The following FIGNL2 variants were observed in gnomAD, a reference collection of about 807,000 sequenced individuals.
FIGNL2 encodes fidgetin like 2, also known as fidgetin-like protein 2.
For synonymous variants in FIGNL2, 565 were observed against 484.0 expected (o/e 1.17, Z -2.20); for missense variants, 1,060 against 950.2 (o/e 1.12, Z -1.52).
rs781619619 is a variant in FIGNL2, at chr12:51,820,825, A to G, written c.1589T>C (p.Leu530Pro). ...GGGCCGCGAGGTGGTGCCCACAACCAGCACGCCGTCAGCCCCCGCGCCGCA... is the reference window on the plus strand; with the variant it reads ...GGGCCGCGAGGTGGTGCCCACAACCGGCACGCCGTCAGCCCCCGCGCCGCA... ...GGCGAGADGVLVVGTTSRPAA... is the reference protein window; with the variant it reads ...GGCGAGADGVPVVGTTSRPAA... The change falls in exon 2 of 2, where the codon CTG (leucine) becomes CCG (proline). Residue 530 changes from leucine to proline, a missense_variant. Transcript: ENST00000618634. 2 of 1,467,728 alleles carry G rather than the reference A, an allele frequency of 1.4e-6. No homozygotes were observed. The highest frequency in any genetic ancestry group is 1.3e-5 in the South Asian group (1 of 77,188). The allele number at this position is 1,467,728 out of a possible 1,614,324, so 90.9% of individuals were successfully genotyped here.
intron 1 of FIGNL2, among the ~76,000 whole-genome samples, chr12:51,842,525 A>G (rs1208448564): frequency 1.3e-5 from 2 of 151,922 alleles, no homozygotes; most frequent in African/African-American, 4.8e-5. Context: ...TTCTTTCCCC[A>G]CTGGCCTGGA....
At chr12:51,843,253 TA>T (rs1186849474) in intron 1 of FIGNL2, among the ~76,000 whole-genome samples, 3 of 152,000 alleles carry the variant, frequency 2.0e-5, no homozygotes, top group African/African-American at 7.3e-5. Context: ...TTGTTAATAG[TA>T]AATGAAGTCT....
chr12:51,838,389 G>T (rs1196556703), intron 1 of FIGNL2, among the ~76,000 whole-genome samples: 1 of 152,126 alleles, frequency 6.6e-6, no homozygotes, highest in East Asian at 1.9e-4. Flanking sequence ...GGCTGCTCCA[G>T]GTACCCCACC....
chr12:51,842,111 C>T (rs1341522794), intron 1 of FIGNL2: 1 of 152,214 alleles, frequency 6.6e-6, no homozygotes, highest in Non-Finnish European at 1.5e-5. Context: ...CTCAACAAGT[C>T]CCAGAATGGA....
At position 51,822,109 on chromosome 12, in the gene FIGNL2, G is replaced by A; in HGVS notation, c.305C>T (p.Pro102Leu). 2 of 1,610,946 alleles carry A rather than the reference G, an allele frequency of 1.2e-6. No individual in the cohort carries two copies. The highest frequency in any genetic ancestry group is 1.3e-5 in the African/African-American group (1 of 74,996). ...TGAGGCCAAGGGGTAGGGTGGCTCCGGCCCTGGCCAGGGCTCGGGATCCCC... is the reference window on the plus strand; with the variant it reads ...TGAGGCCAAGGGGTAGGGTGGCTCCAGCCCTGGCCAGGGCTCGGGATCCCC... ...AKGDPEPWPG[P>L]EPPYPLASLH... The change falls in exon 2 of 2, where the codon CCG becomes CTG. Residue 102 changes from proline to leucine, a missense_variant. Coordinates refer to ENST00000618634, the MANE Select transcript of FIGNL2 (RefSeq NM_001384995.1).
At chr12:51,845,788 G>A in intron 1 of FIGNL2, 6 of 404,774 alleles carry the variant, frequency 1.5e-5, no homozygotes, top group South Asian at 1.0e-4. Context: ...GGGGAGAGTC[G>A]GGGGAGTCCT....
intron 1 of FIGNL2, 63 bp downstream of exon 1, chr12:51,848,477 C>T (rs303780): frequency 0.21 from 206,322 of 982,250 alleles, 21,974 homozygotes; most frequent in South Asian, 0.28. Flanking sequence ...GACAAAGCTC[C>T]GGACACCCTG....
rs1408743085 is a variant in FIGNL2 at position 51,822,090 on chromosome 12, C to G, written c.324G>C (p.Leu108Phe). Residue 108 changes from leucine (L) to phenylalanine (F), a missense_variant, in exon 2 of 2, where the codon TTG becomes TTC. Leu to Phe is a conservative substitution (Grantham distance 22). Coordinates refer to ENST00000618634, the MANE Select transcript of FIGNL2 (RefSeq NM_001384995.1). ...CTGGGAGGCCTTCGTGGAGTGAGGCCAAGGGGTAGGGTGGCTCCGGCCCTG... is the reference window on the plus strand; with the variant it reads ...CTGGGAGGCCTTCGTGGAGTGAGGCGAAGGGGTAGGGTGGCTCCGGCCCTG... ...PWPGPEPPYP[L>F]ASLHEGLPGT... 1.2e-6 allele frequency: 2 copies of G among 1,611,502 alleles called. No homozygotes were observed. The highest frequency in any genetic ancestry group is 1.7e-6 in the Non-Finnish European group (2 of 1,178,970).
chr12:51,843,683 T>C (rs1204996599), intron 1 of FIGNL2, among the ~76,000 whole-genome samples: 1 of 152,222 alleles, frequency 6.6e-6, no homozygotes, highest in Non-Finnish European at 1.5e-5. Context: ...GGTATGCTGC[T>C]ACCTTCCAGA....
chr12:51,841,914 T>G (rs1174021639), intron 1 of FIGNL2: 1 of 152,252 alleles, frequency 6.6e-6, no homozygotes, highest in African/African-American at 2.4e-5. Context: ...GATTTTTGGC[T>G]TCACAGAAGG....
intron 1 of FIGNL2, among the ~76,000 whole-genome samples, chr12:51,823,228 T>C (rs1053074403): frequency 6.6e-6 from 1 of 152,142 alleles, no homozygotes; most frequent in Non-Finnish European, 1.5e-5. Flanking sequence ...AATACAAAAA[T>C]ATGTAGAATA....
Position 51,820,953 on chromosome 12 carries a change from T to C in FIGNL2, c.1461A>G (p.Val487=). 1 of 1,246,902 alleles carries C rather than the reference T, an allele frequency of 8.0e-7. No individual in the cohort carries two copies. Among genetic ancestry groups the C allele is most frequent in the South Asian group, 3.2e-5 (1 of 31,390 alleles). 77.2% of individuals were successfully genotyped at this position (1,246,902 alleles called of 1,614,324 possible). The change falls in exon 2 of 2, where the codon GTA becomes GTG. Residue 487 remains valine (V), a synonymous_variant. Transcript: ENST00000618634. The part of the protein sequence containing the change: ...FAAARCRPPS[V]LLISELEALL... Reference sequence around the variant, plus strand: ...GCGCCTCTAGCTCGCTGATGAGGAGTACGGAGGGTGGGCGGCAGCGCGCGG... The same window carrying C: ...GCGCCTCTAGCTCGCTGATGAGGAGCACGGAGGGTGGGCGGCAGCGCGCGG...
At chr12:51,842,605 C>G (rs1939681272) in intron 1 of FIGNL2, among the ~76,000 whole-genome samples, 1 of 152,244 alleles carries the variant, frequency 6.6e-6, no homozygotes, top group Non-Finnish European at 1.5e-5. Flanking sequence ...GGTGGACCCT[C>G]CCCAAGCAGT....
intron 1 of FIGNL2, chr12:51,848,271 G>C: frequency 1.0e-6 from 1 of 984,990 alleles, no homozygotes; most frequent in Non-Finnish European, 1.2e-6. Context: ...GCACCAGAGG[G>C]GGCTGCGAGA....
At chr12:51,833,935 G>A (rs1334705835) in intron 1 of FIGNL2, among the ~76,000 whole-genome samples, 1 of 151,870 alleles carries the variant, frequency 6.6e-6, no homozygotes, top group African/African-American at 2.4e-5. Flanking sequence ...ATAGACTACA[G>A]GATGGATGGA....
chr12:51,846,617 G>T (rs1008548399), intron 1 of FIGNL2, among the ~76,000 whole-genome samples: 14 of 152,012 alleles, frequency 9.2e-5, no homozygotes, highest in African/African-American at 3.1e-4. Context: ...ACAGTTACGG[G>T]ATCCTCAGCC....
intron 1 of FIGNL2, chr12:51,841,329 C>T (rs1939657492): frequency 6.6e-6 from 1 of 152,252 alleles, no homozygotes; most frequent in Non-Finnish European, 1.5e-5. Flanking sequence ...CCAAGTCCGG[C>T]CCTGAGTGCT....
chr12:51,829,023 A>G (rs141689112), intron 1 of FIGNL2, among the ~76,000 whole-genome samples: 46 of 152,242 alleles, frequency 3.0e-4, no homozygotes, highest in African/African-American at 1.1e-3. Context: ...TCCGTCACCC[A>G]TAGGGGAGGG....
At chr12:51,835,971 T>C (rs937978342) in intron 1 of FIGNL2, among the ~76,000 whole-genome samples, 3 of 151,998 alleles carry the variant, frequency 2.0e-5, no homozygotes, top group African/African-American at 7.3e-5. Context: ...CCACCATACC[T>C]GGCTAATTGT....
Sources: allele counts gnomAD v4.1 joint callset (sites outside exome capture counted in the v4.1 genomes callset), GRCh38; gene constraint gnomAD v4.1.1; transcripts MANE v1.5; gene names NCBI Gene and HGNC (gene_info 2026-07-23, HGNC 2026-07-21).